PCSK5: variants seen among roughly 807,000 people sequenced by gnomAD.
The protein encoded by PCSK5 is prohormone convertase 5.
PCSK5 carries 129 observed loss-of-function variants against 233.2 expected under a neutral mutation model. The observed-to-expected ratio is 0.55, with a 90% CI of 0.48 to 0.64. PCSK5 has a LOEUF of 0.64. Among genes scored for constraint, PCSK5 ranks in the 30% least tolerant of loss-of-function variants. The probability of loss-of-function intolerance (pLI) is 0.00; values close to 1 mark genes in which losing one functional copy is unlikely to be tolerated. For missense variants in PCSK5, 2,076 were observed against 2,430.1 expected, an observed-to-expected ratio of 0.85 and a Z score of 3.06; for synonymous variants, 825 against 879.2, an observed-to-expected ratio of 0.94 and a Z score of 1.09.
intron 9 of PCSK5, among the ~76,000 whole-genome samples, chr9:76,131,435 G>A (rs575606711): frequency 6.6e-6 from 1 of 152,010 alleles, no homozygotes; most frequent in Non-Finnish European, 1.5e-5. Flanking sequence ...CATTTCTGAA[G>A]TTGTGCATTA....
rs1047484548 is a variant in PCSK5, at chr9:75,902,595, C to T, written c.192+11222C>T. 3.3e-5 allele frequency among the ~76,000 whole-genome samples: 5 copies of T among 152,204 alleles called. No individual in the cohort carries two copies. In the East Asian group the frequency reaches 7.7e-4, roughly 24 times the overall value. Reference sequence around the variant, plus strand: ...CCAGGGTATGGAGATGCAGGTGAGACGACCAGGCAGAGAACAGGCGAAGTC... The same window carrying T: ...CCAGGGTATGGAGATGCAGGTGAGATGACCAGGCAGAGAACAGGCGAAGTC... On this transcript the variant is annotated intron_variant, in intron 1 of 37. Transcript: ENST00000674117.
intron 33 of PCSK5, 62 bp downstream of exon 33, chr9:76,328,301 C>G: frequency 8.4e-7 from 1 of 1,195,062 alleles, no homozygotes; most frequent in Non-Finnish European, 1.2e-6. Flanking sequence ...GCCTTGCACA[C>G]TGCCTTGTCC....
chr9:75,938,605 G>T (rs955094959), intron 2 of PCSK5, among the ~76,000 whole-genome samples: 1 of 152,178 alleles, frequency 6.6e-6, no homozygotes, highest in South Asian at 2.1e-4. Context: ...TGTAAAAAGC[G>T]CAATATCTGC....
intron 24 of PCSK5, among the ~76,000 whole-genome samples, chr9:76,264,841 C>T (rs1827285888): frequency 6.6e-6 from 1 of 152,110 alleles, no homozygotes; most frequent in Non-Finnish European, 1.5e-5. Flanking sequence ...GATCTTAAAG[C>T]AGAACTACTG....
chr9:75,972,748 GT>G (rs1281363258), intron 2 of PCSK5, among the ~76,000 whole-genome samples: 1 of 152,162 alleles, frequency 6.6e-6, no homozygotes, highest in Non-Finnish European at 1.5e-5. Context: ...CTTTGTTGAA[GT>G]TGCTTGTCAG....
intron 20 of PCSK5, among the ~76,000 whole-genome samples, chr9:76,197,277 A>T (rs1824741479): frequency 2.0e-5 from 3 of 152,180 alleles, no homozygotes; most frequent in Non-Finnish European, 2.9e-5. Context: ...GAATCCCCAC[A>T]TCCATGGGAG....
At chr9:75,988,317 G>T (rs902847175) in intron 3 of PCSK5, among the ~76,000 whole-genome samples, 2 of 148,512 alleles carry the variant, frequency 1.3e-5, no homozygotes, top group Non-Finnish European at 3.0e-5. Flanking sequence ...ACAGAGTCTC[G>T]CTCTGTCAGG....
chr9:76,356,384 T>C (rs148567649), intron 37 of PCSK5, among the ~76,000 whole-genome samples: 134 of 152,322 alleles, frequency 8.8e-4, no homozygotes, highest in African/African-American at 3.0e-3. Flanking sequence ...AAAGAAACCA[T>C]ATCACAAAGG....
At chr9:75,935,154 G>C (rs1428888806) in intron 2 of PCSK5, among the ~76,000 whole-genome samples, 2 of 152,090 alleles carry the variant, frequency 1.3e-5, no homozygotes, top group Non-Finnish European at 2.9e-5. Context: ...TGCAACCGCT[G>C]TCTCCCGTTT....
chr9:75,945,574 CAG>C (rs1824528131), intron 2 of PCSK5, among the ~76,000 whole-genome samples: 4 of 151,782 alleles, frequency 2.6e-5, no homozygotes, highest in Admixed American at 2.6e-4. Context: ...TCATTCTCCA[CAG>C]AGAGTAAACT....
At chr9:76,153,149 A>G (rs2131804526) in intron 10 of PCSK5, among the ~76,000 whole-genome samples, 1 of 152,332 alleles carries the variant, frequency 6.6e-6, no homozygotes, top group South Asian at 2.1e-4. Flanking sequence ...ACTCTAAAGG[A>G]ACAGATATAA....
chr9:75,899,254 G>GC (rs1323706071), intron 1 of PCSK5, among the ~76,000 whole-genome samples: 2 of 152,122 alleles, frequency 1.3e-5, no homozygotes, highest in Non-Finnish European at 2.9e-5. Context: ...AATAGGCTCA[G>GC]CATTAGTTTA....
Position 76,315,742 on chromosome 9 carries a change from T to G in PCSK5, c.3884+4891T>G, listed in dbSNP as rs569070337. Among the ~76,000 whole-genome samples the G allele has an allele frequency of 7.9e-5, 12 of 151,060 alleles. No individual in the cohort carries two copies. In the East Asian group the frequency reaches 1.6e-3, roughly 20 times the overall value. ...CTGCCTCCCAGGTTCAAGCGATTCT[T>G]CTGCCTCAGCCTCCTGAGTAGCTGG... On this transcript the variant is annotated intron_variant, in intron 30 of 37. Transcript: ENST00000674117.
At chr9:75,980,889 A>G (rs1826247774) in intron 2 of PCSK5, among the ~76,000 whole-genome samples, 1 of 140,996 alleles carries the variant, frequency 7.1e-6, no homozygotes, top group South Asian at 2.4e-4. Flanking sequence ...CTCGCTTTCC[A>G]TAGCAAAAAC....
chr9:76,177,297 AAAAAG>A (rs1273430836), intron 14 of PCSK5, among the ~76,000 whole-genome samples: 8 of 152,338 alleles, frequency 5.3e-5, no homozygotes, highest in African/African-American at 7.2e-5. Context: ...AGTCTCAAAA[AAAAAG>A]AAAAGAAAAG....
intron 20 of PCSK5, among the ~76,000 whole-genome samples, chr9:76,215,192 C>G (rs1825477514): frequency 5.9e-5 from 9 of 152,160 alleles, no homozygotes; most frequent in Admixed American, 5.9e-4. Context: ...TTGGCCTTCC[C>G]CAGGAAAATT....
At chr9:75,965,174 C>T (rs866599815) in intron 2 of PCSK5, among the ~76,000 whole-genome samples, 6 of 152,064 alleles carry the variant, frequency 3.9e-5, no homozygotes, top group Non-Finnish European at 5.9e-5. Flanking sequence ...GCCTTTAGTA[C>T]GCACTGTATT....
chr9:76,279,669 A>G (rs1455867848), intron 24 of PCSK5, among the ~76,000 whole-genome samples: 12 of 152,028 alleles, frequency 7.9e-5, no homozygotes, highest in East Asian at 1.9e-4. Flanking sequence ...GCCAGTGATG[A>G]TGAGCATTTT....
chr9:76,240,766 C>A, intron 24 of PCSK5, 82 bp downstream of exon 24: 1 of 963,688 alleles, frequency 1.0e-6, no homozygotes, highest in Non-Finnish European at 1.6e-6. Context: ...ATTGCCCCAG[C>A]AGGCACTCTT....
Sources: gnomAD v4.1 joint callset for allele counts (sites outside exome capture counted in the v4.1 genomes callset) on GRCh38, gnomAD v4.1.1 for gene constraint, MANE v1.5 for transcripts, NCBI Gene and HGNC (gene_info 2026-07-23, HGNC 2026-07-21) for gene names.